The following FHL5 variants were observed in gnomAD, a reference collection of about 807,000 sequenced individuals.
FHL5 encodes four and a half LIM domains 5, also known as four and a half LIM domains protein 5.
In FHL5, 33 loss-of-function variants were observed where a neutral mutation model predicts 32.0. The ratio of observed to expected loss-of-function variants is 1.03; its 90% CI spans 0.78 to 1.38. The LOEUF (loss-of-function observed/expected upper bound fraction) is 1.38, where lower values mean the gene tolerates loss of function less well. Among genes scored for constraint, FHL5 ranks in the 40% most tolerant of loss-of-function variants. The probability of loss-of-function intolerance (pLI) is 0.00; values close to 1 mark genes in which losing one functional copy is unlikely to be tolerated. For synonymous variants in FHL5, 114 were observed against 113.6 expected, an observed-to-expected ratio of 1.00 and a Z score of -0.02; for missense variants, 336 against 343.9, an observed-to-expected ratio of 0.98 and a Z score of 0.18.
intron 2 of FHL5, 37 bp downstream of exon 2, chr6:96,603,809 G>T: frequency 6.4e-7 from 1 of 1,562,356 alleles, no homozygotes; most frequent in South Asian, 1.2e-5. Context: ...TACTGCCTAT[G>T]AACAGCAAAC....
At chr6:96,602,134 C>T (rs1358656474) in intron 1 of FHL5, among the ~76,000 whole-genome samples, 2 of 152,174 alleles carry the variant, frequency 1.3e-5, no homozygotes, top group Admixed American at 1.3e-4. Flanking sequence ...GGAATTTCAT[C>T]ACTAGAATAA....
chr6:96,574,903 C>G (rs1341057889), intron 1 of FHL5, among the ~76,000 whole-genome samples: 1 of 152,034 alleles, frequency 6.6e-6, no homozygotes, highest in East Asian at 1.9e-4. Flanking sequence ...ATGTTATTAT[C>G]AGAATTCCAC....
At chr6:96,606,647 C>T (rs948904542) in intron 4 of FHL5, among the ~76,000 whole-genome samples, 11 of 152,172 alleles carry the variant, frequency 7.2e-5, no homozygotes, top group Non-Finnish European at 1.2e-4. Context: ...CCACCACACT[C>T]GGCCCATTCA....
intron 1 of FHL5, among the ~76,000 whole-genome samples, chr6:96,586,811 A>G (rs776180710): frequency 1.3e-5 from 2 of 152,222 alleles, no homozygotes; most frequent in Admixed American, 6.5e-5. Context: ...AAATAAGATG[A>G]GCAAACTTAA....
chr6:96,577,534 T>C (rs892939835), intron 1 of FHL5, among the ~76,000 whole-genome samples: 1 of 152,084 alleles, frequency 6.6e-6, no homozygotes, highest in South Asian at 2.1e-4. Context: ...TAAAGCCAAA[T>C]ATGATTTTGG....
intron 1 of FHL5, among the ~76,000 whole-genome samples, chr6:96,586,452 G>A (rs1031821914): frequency 2.0e-5 from 3 of 151,846 alleles, no homozygotes; most frequent in African/African-American, 7.3e-5. Context: ...TCAGTTTGAG[G>A]AGTCTCTATC....
intron 1 of FHL5, among the ~76,000 whole-genome samples, chr6:96,582,759 AT>A (rs1029315742): frequency 5.3e-5 from 8 of 152,108 alleles, no homozygotes; most frequent in Non-Finnish European, 1.0e-4. Flanking sequence ...GTTTTAGGTT[AT>A]TTTTGATTGA....
At chr6:96,605,789 C>A in intron 3 of FHL5, 113 bp from the exon 4 acceptor site, 1 of 843,432 alleles carries the variant, frequency 1.2e-6, no homozygotes, top group Non-Finnish European at 1.8e-6. Context: ...TCTAAAAGGA[C>A]AATTCATTTA....
chr6:96,578,230 T>C (rs1770623301), intron 1 of FHL5, among the ~76,000 whole-genome samples: 2 of 152,212 alleles, frequency 1.3e-5, no homozygotes, highest in Non-Finnish European at 2.9e-5. Flanking sequence ...CTCTTTCTCC[T>C]TCTCATTATT....
At chr6:96,608,427 T>G (rs1207461223) in intron 4 of FHL5, among the ~76,000 whole-genome samples, 1 of 152,242 alleles carries the variant, frequency 6.6e-6, no homozygotes, top group Non-Finnish European at 1.5e-5. Context: ...CTAGATTTGT[T>G]TTTGATCAAG....
In FHL5 at chr6:96,594,267, ATATATATG is replaced by A. The variant is rs1384507980; in HGVS notation, c.-12-9331_-12-9324del. ...TATATATATATATATATATATATATATATATATGTATGTATGTATTTACTTCTTGAGGT... is the reference window on the plus strand; with the variant it reads ...TATATATATATATATATATATATATATATGTATGTATTTACTTCTTGAGGT... On this transcript the variant is annotated intron_variant, in intron 1 of 5. Coordinates refer to ENST00000450218, the MANE Select transcript of FHL5 (RefSeq NM_001322466.2). Among the ~76,000 whole-genome samples the A allele has an allele frequency of 1.7e-3, 134 of 80,016 alleles. 1 individual carries two copies. Among genetic ancestry groups the A allele is most frequent in the African/African-American group, 4.0e-3 (100 of 25,040 alleles). The allele number at this position is 80,016 out of a possible 152,430, so 52.5% of individuals were successfully genotyped here. A position where few individuals can be genotyped will look rare whatever the true frequency, so the allele number is the denominator to read the frequency against.
intron 1 of FHL5, among the ~76,000 whole-genome samples, chr6:96,572,241 A>G (rs1177899497): frequency 6.6e-6 from 1 of 152,102 alleles, no homozygotes; most frequent in Non-Finnish European, 1.5e-5. Flanking sequence ...TAAGTAATGG[A>G]GTGCATGACT....
intron 1 of FHL5, among the ~76,000 whole-genome samples, chr6:96,593,955 T>G (rs185916216): frequency 2.8e-4 from 43 of 152,056 alleles, no homozygotes; most frequent in Admixed American, 2.5e-3. Flanking sequence ...GGGGAAAAAT[T>G]ATTTCTATTA....
intron 5 of FHL5, 108 bp from the exon 6 acceptor site, chr6:96,615,501 G>A (rs528321733): frequency 5.2e-5 from 43 of 833,482 alleles, no homozygotes; most frequent in African/African-American, 8.9e-5. Context: ...TTGCCTCTGC[G>A]TTGTTTTGCT....
intron 5 of FHL5, among the ~76,000 whole-genome samples, chr6:96,611,620 T>C (rs1771410352): frequency 6.6e-6 from 1 of 152,226 alleles, no homozygotes; most frequent in Non-Finnish European, 1.5e-5. Flanking sequence ...AGAACATATT[T>C]CAATTTTTAG....
At chr6:96,606,185 A>G (rs913147192) in intron 4 of FHL5, 114 bp downstream of exon 4, 32 of 830,942 alleles carry the variant, frequency 3.9e-5, no homozygotes, top group Middle Eastern at 6.4e-4. Context: ...CAACACACCC[A>G]TGGTAGTTTG....
intron 1 of FHL5, among the ~76,000 whole-genome samples, chr6:96,582,138 T>C (rs959126418): frequency 6.6e-6 from 1 of 152,126 alleles, no homozygotes; most frequent in African/African-American, 2.4e-5. Flanking sequence ...ATCTTTAAAA[T>C]GAATAACAGA....
rs546420382 is a variant in FHL5 at position 96,597,619 on chromosome 6, C to G, written c.-12-5983C>G. 3.6e-4 allele frequency among the ~76,000 whole-genome samples: 55 copies of G among 152,256 alleles called. No individual in the cohort carries two copies. In the Middle Eastern group the frequency reaches 0.014, roughly 38 times the overall value. ...GAAACTTAAGCCATTGATGACCTTG[C>G]CCTAGTCTTCCTTTTCAAATTTATC... On this transcript the variant is annotated intron_variant, in intron 1 of 5. Transcript: ENST00000450218.
At chr6:96,586,011 C>T (rs544922817) in intron 1 of FHL5, among the ~76,000 whole-genome samples, 13 of 152,096 alleles carry the variant, frequency 8.5e-5, no homozygotes, top group African/African-American at 2.9e-4. Context: ...GGAAGAGAAA[C>T]GAGAGGGGAG....
Sources: allele counts gnomAD v4.1 joint callset (sites outside exome capture counted in the v4.1 genomes callset), GRCh38; gene constraint gnomAD v4.1.1; transcripts MANE v1.5; gene names NCBI Gene and HGNC (gene_info 2026-07-23, HGNC 2026-07-21).